GRIN2B: variants seen among roughly 807,000 people sequenced by gnomAD.
The protein encoded by GRIN2B is glutamate ionotropic receptor NMDA type subunit 2B.
In GRIN2B, 5 loss-of-function variants were observed where a neutral mutation model predicts 114.5. The ratio of observed to expected loss-of-function variants is 0.04; its 90% CI spans 0.02 to 0.09. The LOEUF is 0.09. Among genes scored for constraint, GRIN2B ranks in the 10% least tolerant of loss-of-function variants. The probability of loss-of-function intolerance (pLI) is 1.00; values close to 1 mark genes in which losing one functional copy is unlikely to be tolerated. For synonymous variants in GRIN2B, 787 were observed against 745.1 expected (o/e 1.06, Z -0.92); for missense variants, 1,108 against 1,943.5 (o/e 0.57, Z 8.08).
At position 13,765,803 on chromosome 12, in the gene GRIN2B, G is replaced by A. The variant is rs572344152; in HGVS notation, c.412-11888C>T. On this transcript the variant is annotated intron_variant, in intron 3 of 13. Transcript: ENST00000609686. Reference sequence around the variant, plus strand: ...ATGAAGGGTCTTGCCCAGGGTAACCGCTGGAAAGAGAACCTGTGTAGATCT... The same window carrying A: ...ATGAAGGGTCTTGCCCAGGGTAACCACTGGAAAGAGAACCTGTGTAGATCT... Among the ~76,000 whole-genome samples the A allele has an allele frequency of 8.5e-5, 13 of 152,280 alleles. No homozygotes were observed. The South Asian group carries it at 1.7e-3, about 19-fold the overall frequency.
intron 4 of GRIN2B, among the ~76,000 whole-genome samples, chr12:13,694,007 A>G (rs1950236570): frequency 6.6e-6 from 1 of 152,188 alleles, no homozygotes; most frequent in Non-Finnish European, 1.5e-5. Context: ...CTAGGAAGAA[A>G]GAGAACCTAG....
At chr12:13,643,932 GT>G (rs1949741325) in intron 5 of GRIN2B, among the ~76,000 whole-genome samples, 1 of 152,032 alleles carries the variant, frequency 6.6e-6, no homozygotes, top group African/African-American at 2.4e-5. Context: ...CACCACATCT[GT>G]AGTTAACTCC....
chr12:13,864,278 C>T (rs1443830150), intron 3 of GRIN2B, among the ~76,000 whole-genome samples: 1 of 152,198 alleles, frequency 6.6e-6, no homozygotes, highest in Admixed American at 6.5e-5. Flanking sequence ...CGACAGGTGG[C>T]GGTAACGGTC....
rs1948574967 is a variant in GRIN2B at position 13,563,290 on chromosome 12, G to A, written c.3948C>T (p.Ala1316=). 6.2e-7 allele frequency: 1 copy of A among 1,614,230 alleles called. No homozygotes were observed. Among genetic ancestry groups the A allele is most frequent in the Non-Finnish European group, 8.5e-7 (1 of 1,180,048 alleles). ...TCAGGCTTACGCTGCGCGGGGCCAG[G>A]GCGGCTTCTTCCTTCTGCAGGTCCA... ...TFVDLQKEEA[A]LAPRSVSLKD... is the part of the protein sequence containing the mutation. Residue 1316 remains alanine (A), a synonymous_variant, in exon 14 of 14, where the codon GCC becomes GCT. Transcript: ENST00000609686.
At chr12:13,828,964 A>G (rs771492945) in intron 3 of GRIN2B, among the ~76,000 whole-genome samples, 17 of 152,134 alleles carry the variant, frequency 1.1e-4, no homozygotes, top group Non-Finnish European at 1.6e-4. Flanking sequence ...ATTTCTATCA[A>G]TCTTCCCTTG....
At chr12:13,611,574 C>G (rs751289051) in intron 9 of GRIN2B, 151 bp downstream of exon 9, 47 of 819,450 alleles carry the variant, frequency 5.7e-5, no homozygotes, top group Non-Finnish European at 8.8e-5. Flanking sequence ...TCTAAAGAGA[C>G]GCCAAGCTGG....
At chr12:13,879,504 G>T (rs1465519760) in intron 2 of GRIN2B, among the ~76,000 whole-genome samples, 1 of 148,218 alleles carries the variant, frequency 6.7e-6, no homozygotes, top group Non-Finnish European at 1.5e-5. Flanking sequence ...ATGCAGAAAA[G>T]AAATTAGAAT....
intron 2 of GRIN2B, among the ~76,000 whole-genome samples, chr12:13,881,121 C>G (rs755284927): frequency 6.6e-6 from 1 of 152,216 alleles, no homozygotes; most frequent in African/African-American, 2.4e-5. Flanking sequence ...CTACTCCATC[C>G]TCTTTGTTCT....
chr12:13,764,909 C>T (rs573171863), intron 3 of GRIN2B, among the ~76,000 whole-genome samples: 1 of 152,352 alleles, frequency 6.6e-6, no homozygotes, highest in East Asian at 1.9e-4. Flanking sequence ...GATACTAGTA[C>T]TTATTAATGG....
intron 3 of GRIN2B, among the ~76,000 whole-genome samples, chr12:13,759,175 T>C (rs982534102): frequency 6.6e-6 from 1 of 151,320 alleles, no homozygotes; most frequent in African/African-American, 2.4e-5. Flanking sequence ...ACCCAGCTAA[T>C]TTTTTTTGTA....
intron 4 of GRIN2B, among the ~76,000 whole-genome samples, chr12:13,694,915 C>T (rs1950247732): frequency 6.6e-6 from 1 of 151,644 alleles, no homozygotes; most frequent in Non-Finnish European, 1.5e-5. Context: ...TTTTTTATGG[C>T]CTTCATTTGC....
chr12:13,562,716 G>T lies in GRIN2B; in HGVS notation c.*67C>A. ...CAAGTTCACCCCCGTCACCCTCCGT[G>T]ACATGCGCATCACGCGACCCACAGC... On this transcript the variant is annotated 3_prime_UTR_variant, in exon 14 of 14. Transcript: ENST00000609686. The T allele has an allele frequency of 7.8e-7, 1 of 1,275,712 alleles. No individual in the cohort carries two copies. Among genetic ancestry groups the T allele is most frequent in the South Asian group, 1.2e-5 (1 of 83,992 alleles). The allele number at this position is 1,275,712 out of a possible 1,614,324, so 79.0% of individuals were successfully genotyped here. A position where few individuals can be genotyped will look rare whatever the true frequency, so the allele number is the denominator to read the frequency against.
chr12:13,880,190 C>T (rs1341973440), intron 2 of GRIN2B, among the ~76,000 whole-genome samples: 1 of 152,188 alleles, frequency 6.6e-6, no homozygotes, highest in African/African-American at 2.4e-5. Flanking sequence ...TATTAGGAAG[C>T]AGCTTTTGAG....
rs1175745443 is a variant in GRIN2B, at chr12:13,555,844, C to T, written c.*6939G>A. The T allele has an allele frequency of 6.6e-6, 1 of 152,130 alleles. No homozygotes were observed. Among genetic ancestry groups the T allele is most frequent in the Admixed American group, 6.5e-5 (1 of 15,278 alleles). The allele number at this position is 152,130 out of a possible 1,614,324, so 9.4% of individuals were successfully genotyped here. A position where few individuals can be genotyped will look rare whatever the true frequency, so the allele number is the denominator to read the frequency against. ...AAATTAAAAAGTCCAAGTGAGTAGG[C>T]TTCAGGTGAGGTTAAATTGATTGAA... On this transcript the variant is annotated 3_prime_UTR_variant, in exon 14 of 14. Coordinates refer to ENST00000609686, the MANE Select transcript of GRIN2B (RefSeq NM_000834.5).
At chr12:13,970,009 T>C (rs1867849176) in intron 2 of GRIN2B, among the ~76,000 whole-genome samples, 1 of 152,196 alleles carries the variant, frequency 6.6e-6, no homozygotes, top group Non-Finnish European at 1.5e-5. Flanking sequence ...ACTGCCACCG[T>C]GCCCAGCTAA....
intron 3 of GRIN2B, among the ~76,000 whole-genome samples, chr12:13,865,402 C>T (rs539945653): frequency 1.3e-5 from 2 of 152,286 alleles, no homozygotes; most frequent in South Asian, 4.1e-4. Flanking sequence ...GAGGCTGAGG[C>T]AGGTGGATCA....
chr12:13,782,805 C>T (rs1864143303), intron 3 of GRIN2B, among the ~76,000 whole-genome samples: 1 of 152,176 alleles, frequency 6.6e-6, no homozygotes, highest in Non-Finnish European at 1.5e-5. Flanking sequence ...CTCATCTTAC[C>T]TCTGCACCAA....
intron 3 of GRIN2B, among the ~76,000 whole-genome samples, chr12:13,771,147 A>T (rs1464738081): frequency 3.9e-5 from 6 of 152,154 alleles, no homozygotes; most frequent in Non-Finnish European, 7.3e-5. Context: ...TATAAGTCTC[A>T]CGAGAGCTGA....
At chr12:13,629,006 T>C (rs1949596014) in intron 5 of GRIN2B, among the ~76,000 whole-genome samples, 1 of 152,086 alleles carries the variant, frequency 6.6e-6, no homozygotes, top group Admixed American at 6.6e-5. Flanking sequence ...AAATACATTA[T>C]AATTTTAGAA....
Sources: allele counts gnomAD v4.1 joint callset (sites outside exome capture counted in the v4.1 genomes callset), GRCh38; gene constraint gnomAD v4.1.1; transcripts MANE v1.5; gene names NCBI Gene and HGNC (gene_info 2026-07-23, HGNC 2026-07-21).